CFAP58: variants seen among roughly 807,000 people sequenced by gnomAD.
CFAP58 encodes cilia- and flagella-associated protein 58.
Under a neutral mutation model 119.5 loss-of-function variants are expected in CFAP58, and 88 were observed. That is an observed-to-expected ratio of 0.74 (90% CI 0.62 to 0.88). CFAP58 has a LOEUF of 0.88. CFAP58 is among the 40% of genes least tolerant of loss of function. CFAP58 has a pLI of 0.00. For synonymous variants in CFAP58, 365 were observed against 366.3 expected, an observed-to-expected ratio of 1.00 and a Z score of 0.04; for missense variants, 990 against 1,021.2, an observed-to-expected ratio of 0.97 and a Z score of 0.42.
rs919306689 is a variant in CFAP58 at position 104,403,752 on chromosome 10, G to A, written c.2063G>A (p.Arg688Lys). Residue 688 changes from arginine (R) to lysine (K), a missense_variant, in exon 14 of 18, where the codon AGA (arginine) becomes AAA (lysine). Transcript: ENST00000369704. ...AGACAGGAGTTTTTTCACATGCAAA[G>A]AGAATTGTTGAAGGAGAGGACACGC... ...ELRQEFFHMQ[R>K]ELLKERTRCR... 2 of 1,611,338 alleles carry A rather than the reference G, an allele frequency of 1.2e-6. No individual in the cohort carries two copies. The highest frequency in any genetic ancestry group is 3.3e-5 in the Admixed American group (2 of 59,818).
rs566070051 is a variant in CFAP58, at chr10:104,425,014, C to T, written c.2256+18221C>T. On this transcript the variant is annotated intron_variant, in intron 15 of 17. Transcript: ENST00000369704. The stretch of plus-strand genomic sequence containing the variant: ...CTCTGACCTTGGGCAAGTAACTAAC[C>T]GTCTCAAAGCCCCAGTGACTCCAGC... Among the ~76,000 whole-genome samples, 19 of 152,286 alleles carry T rather than the reference C, an allele frequency of 1.2e-4. No homozygotes were observed. The South Asian group carries it at 2.7e-3, about 22-fold the overall frequency.
Position 104,414,755 on chromosome 10 carries a change from C to T in CFAP58, c.2256+7962C>T, listed in dbSNP as rs1043981870. Among the ~76,000 whole-genome samples, 34 of 152,238 alleles carry T rather than the reference C, an allele frequency of 2.2e-4. 1 individual carries two copies. Among genetic ancestry groups the T allele is most frequent in the African/African-American group, 7.2e-4 (30 of 41,548 alleles). On this transcript the variant is annotated intron_variant, in intron 15 of 17. Transcript: ENST00000369704. ...CGCAATCTCGGCTCACTGCAAGCTC[C>T]GCCTCCCGGGTTCACGCCATTCTCC...
chr10:104,340,971 T>A, the CFAP58 span, among the ~76,000 whole-genome samples: 5 of 152,166 alleles, frequency 3.3e-5, no homozygotes, highest in African/African-American at 1.2e-4. Context: ...TGGATGAATT[T>A]TAAAATGTCT....
the CFAP58 span, among the ~76,000 whole-genome samples, chr10:104,339,350 G>A: frequency 6.6e-6 from 1 of 152,230 alleles, no homozygotes; most frequent in Non-Finnish European, 1.5e-5. Flanking sequence ...AGAGAACTGA[G>A]GCCTGGAGGA....
chr10:104,358,108 T>TAC (rs1171858543), intron 1 of CFAP58, among the ~76,000 whole-genome samples: 1 of 150,346 alleles, frequency 6.7e-6, no homozygotes, highest in Non-Finnish European at 1.5e-5. Context: ...TGTACATATA[T>TAC]ACACATATAT....
At chr10:104,347,910 C>A in the CFAP58 span, among the ~76,000 whole-genome samples, 1 of 152,048 alleles carries the variant, frequency 6.6e-6, no homozygotes, top group South Asian at 2.1e-4. Flanking sequence ...GGATTCCCCT[C>A]ATTTATTTGC....
In CFAP58 at chr10:104,360,519, A is replaced by C. The variant is rs143310709; in HGVS notation, c.292-1504A>C. Among the ~76,000 whole-genome samples, 440 of 152,258 alleles carry C rather than the reference A, an allele frequency of 2.9e-3. 1 individual carries two copies. Among genetic ancestry groups the C allele is most frequent in the South Asian group, 9.8e-3 (47 of 4,814 alleles). On this transcript the variant is annotated intron_variant, in intron 2 of 17. Transcript: ENST00000369704. ...CTTTTAAGTGCAGGGGTACATGTGC[A>C]GGATGTTACATAGGTAAACGTGTGT... is the stretch of plus-strand genomic sequence containing the variant.
At chr10:104,432,507 C>CTT (rs747229634) in intron 15 of CFAP58, among the ~76,000 whole-genome samples, 27 of 143,640 alleles carry the variant, frequency 1.9e-4, no homozygotes, top group East Asian at 1.0e-3. Flanking sequence ...GTAATAGGCA[C>CTT]TTTTTTTTTT....
intron 6 of CFAP58, 48 bp downstream of exon 6, chr10:104,368,608 C>T: frequency 6.2e-7 from 1 of 1,605,604 alleles, no homozygotes; most frequent in South Asian, 1.1e-5. Flanking sequence ...CTTCCTAACA[C>T]AGGTTTGCCT....
chr10:104,439,376 T>C (rs2012996007), intron 15 of CFAP58, among the ~76,000 whole-genome samples: 1 of 152,188 alleles, frequency 6.6e-6, no homozygotes, highest in African/African-American at 2.4e-5. Flanking sequence ...TATAATATAA[T>C]GTTGTCAGTT....
chr10:104,412,124 G>A (rs564740809), intron 15 of CFAP58, among the ~76,000 whole-genome samples: 1 of 152,254 alleles, frequency 6.6e-6, no homozygotes, highest in East Asian at 1.9e-4. Flanking sequence ...GTTTTACTCA[G>A]CATGTCTAAT....
chr10:104,424,886 A>T (rs1414072352), intron 15 of CFAP58, among the ~76,000 whole-genome samples: 1 of 152,224 alleles, frequency 6.6e-6, no homozygotes, highest in East Asian at 1.9e-4. Flanking sequence ...TGAGGTGTTA[A>T]AATGACTCAT....
chr10:104,358,217 C>A, intron 1 of CFAP58, 124 bp from the exon 2 acceptor site: 1 of 910,510 alleles, frequency 1.1e-6, no homozygotes. Flanking sequence ...AATTTTTCTG[C>A]TTATCAGTGG....
At chr10:104,358,659 T>G in intron 2 of CFAP58, 37 bp downstream of exon 2, 2 of 1,578,128 alleles carry the variant, frequency 1.3e-6, no homozygotes, top group Non-Finnish European at 1.7e-6. Context: ...AACCTGAATT[T>G]AAAACATCAT....
chr10:104,402,848 C>A (rs1416777080), intron 13 of CFAP58, among the ~76,000 whole-genome samples: 4 of 152,082 alleles, frequency 2.6e-5, no homozygotes, highest in African/African-American at 9.7e-5. Context: ...GGATTGGGTC[C>A]AGGAGAAGAG....
rs145473772 is a variant in CFAP58 at position 104,380,186 on chromosome 10, G to A, written c.1331G>A (p.Arg444Gln). ...TTTCATCTGGAAAAGGAGCGTGACC[G>A]GTACATCAACCAAGCCAGTGACCTT... is the stretch of plus-strand genomic sequence containing the variant. ...IIFHLEKERD[R>Q]YINQASDLTQ... Residue 444 changes from arginine to glutamine, a missense_variant, in exon 9 of 18, where the codon CGG becomes CAG. Arg to Gln is a conservative substitution (Grantham distance 43). Transcript: ENST00000369704. 124 of 1,613,860 alleles carry A rather than the reference G, an allele frequency of 7.7e-5. No homozygotes were observed. Among genetic ancestry groups the A allele is most frequent in the African/African-American group, 7.6e-4 (57 of 74,884 alleles).
chr10:104,392,462 A>G (rs1287676366), intron 10 of CFAP58, 68 bp downstream of exon 10: 11 of 1,138,052 alleles, frequency 9.7e-6, no homozygotes, highest in Non-Finnish European at 1.3e-5. Context: ...AGTTTCTGTT[A>G]TCCTAATGGC....
chr10:104,349,013 A>G (rs190717875), upstream of CFAP58, among the ~76,000 whole-genome samples: 33 of 152,308 alleles, frequency 2.2e-4, no homozygotes, highest in Non-Finnish European at 5.9e-5. Flanking sequence ...TTGGGAGGCC[A>G]CGGCAGAAGG....
intron 7 of CFAP58, among the ~76,000 whole-genome samples, chr10:104,372,163 G>A (rs191154830): frequency 0.011 from 1,732 of 152,174 alleles, 18 homozygotes; most frequent in Non-Finnish European, 0.018. Context: ...GATCAGCCTG[G>A]CCAACATGGT....
Sources: gnomAD v4.1 joint callset for allele counts (sites outside exome capture counted in the v4.1 genomes callset) on GRCh38, gnomAD v4.1.1 for gene constraint, MANE v1.5 for transcripts, NCBI Gene and HGNC (gene_info 2026-07-23, HGNC 2026-07-21) for gene names.